The following ABCC1 variants were observed in gnomAD, a reference collection of about 807,000 sequenced individuals.
ABCC1 encodes ATP binding cassette subfamily C member 1 (ABCC1 blood group), also known as multidrug resistance-associated protein 1.
In ABCC1, 83 loss-of-function variants were observed where a neutral mutation model predicts 172.9. The ratio of observed to expected loss-of-function variants is 0.48; its 90% CI spans 0.40 to 0.58. The LOEUF is 0.58. Ranked by LOEUF, ABCC1 falls within the 20% of genes least tolerant of loss-of-function variation. The pLI is 0.00. For synonymous variants in ABCC1, 937 were observed against 825.2 expected (o/e 1.14, Z -2.32); for missense variants, 1,817 against 2,002.7 (o/e 0.91, Z 1.77).
chr16:16,061,748 A>G (rs1020571697), intron 12 of ABCC1, among the ~76,000 whole-genome samples: 4 of 151,876 alleles, frequency 2.6e-5, no homozygotes, highest in African/African-American at 9.7e-5. Context: ...AATACATACA[A>G]AATGGCTTTT....
intron 1 of ABCC1, among the ~76,000 whole-genome samples, chr16:15,971,140 A>T: frequency 6.6e-6 from 1 of 152,214 alleles, no homozygotes; most frequent in Non-Finnish European, 1.5e-5. Flanking sequence ...CACAGATAGC[A>T]GCTAGGTATA....
chr16:16,037,788 A>G (rs1204693358), intron 7 of ABCC1, among the ~76,000 whole-genome samples: 3 of 152,326 alleles, frequency 2.0e-5, no homozygotes, highest in Admixed American at 6.5e-5. Context: ...AGTCAGACCC[A>G]GATGGTGGGT....
chr16:16,073,360 T>G (rs1357398981), intron 14 of ABCC1, among the ~76,000 whole-genome samples: 1 of 152,210 alleles, frequency 6.6e-6, no homozygotes, highest in African/African-American at 2.4e-5. Flanking sequence ...GAGCACCTAC[T>G]ATGTGCCAAG....
chr16:16,071,497 T>C (rs1007520659), intron 13 of ABCC1, 145 bp from the exon 14 acceptor site: 3 of 638,832 alleles, frequency 4.7e-6, no homozygotes, highest in Non-Finnish European at 8.3e-6. Flanking sequence ...AAGTATACAC[T>C]GGTTCTAAGA....
chr16:16,105,847 A>T (rs1404367814), intron 20 of ABCC1, among the ~76,000 whole-genome samples: 2 of 150,212 alleles, frequency 1.3e-5, no homozygotes, highest in African/African-American at 4.9e-5. Context: ...GGGTCTGCAT[A>T]AAGCTCATGA....
Position 16,067,182 on chromosome 16 carries a change from C to T in ABCC1, c.1678-974C>T, listed in dbSNP as rs146309190. On this transcript the variant is annotated intron_variant, in intron 12 of 30. Transcript: ENST00000399410. ...GGAGGAATGCTTGAGCCCGGGAGGT[C>T]GAGGCTGTGGTGAGCCATGATTGCA... Among the ~76,000 whole-genome samples the T allele has an allele frequency of 2.4e-4, 36 of 152,102 alleles. 1 individual carries two copies. Among genetic ancestry groups the T allele is most frequent in the Middle Eastern group, 3.4e-3 (1 of 294 alleles).
rs761809997 is a variant in ABCC1, at chr16:16,102,665, C to G, written c.2683C>G (p.Gln895Glu). The G allele has an allele frequency of 1.1e-5, 18 of 1,592,630 alleles. No individual in the cohort carries two copies. Among genetic ancestry groups the G allele is most frequent in the Admixed American group, 3.5e-5 (2 of 56,698 alleles). Residue 895 changes from glutamine to glutamate, a missense_variant, in exon 20 of 31, where the codon CAA (glutamine) becomes GAA (glutamate). By Grantham distance (29) the Gln-to-Glu change is conservative (BLOSUM62 2). Coordinates refer to ENST00000399410, the MANE Select transcript of ABCC1 (RefSeq NM_004996.4). Reference protein sequence around the residue: ...GVSGPGKEAKQMENGMLVTDS... With the variant: ...GVSGPGKEAKEMENGMLVTDS... ...CAGCGGTCCAGGGAAGGAAGCAAAGCAAATGGAGAATGGCATGCTGGTGAC... is the reference window on the plus strand; with the variant it reads ...CAGCGGTCCAGGGAAGGAAGCAAAGGAAATGGAGAATGGCATGCTGGTGAC...
At chr16:16,046,386 C>G (rs1239457396) in intron 9 of ABCC1, among the ~76,000 whole-genome samples, 1 of 152,026 alleles carries the variant, frequency 6.6e-6, no homozygotes, top group East Asian at 1.9e-4. Context: ...ACTCTCTCCC[C>G]CAGACTGGAG....
intron 24 of ABCC1, among the ~76,000 whole-genome samples, chr16:16,124,335 G>GTGTGTGTGTGTGTGTATGTGTGTGTA (rs766911904): frequency 1.3e-4 from 11 of 87,926 alleles, no homozygotes; most frequent in African/African-American, 4.0e-4. Context: ...GTGTGTGTGT[G>GTGTGTGTGTGTGTGTATGTGTGTGTA]TGTGTGTGTG....
intron 1 of ABCC1, among the ~76,000 whole-genome samples, chr16:15,969,966 T>G (rs1489408922): frequency 6.6e-6 from 1 of 151,978 alleles, no homozygotes. Flanking sequence ...AATGGCCAAA[T>G]AAATGAATAA....
intron 1 of ABCC1, among the ~76,000 whole-genome samples, chr16:15,958,570 G>A (rs2046056648): frequency 2.0e-5 from 3 of 152,206 alleles, no homozygotes; most frequent in Admixed American, 6.5e-5. Context: ...TTTTCATGGC[G>A]AAGTAAGGCC....
rs1356665999 is a variant in ABCC1, at chr16:16,044,671, A to C, written c.1031A>C (p.Gln344Pro). 1 of 1,613,990 alleles carries C rather than the reference A, an allele frequency of 6.2e-7. No individual in the cohort carries two copies. Among genetic ancestry groups the C allele is most frequent in the Non-Finnish European group, 8.5e-7 (1 of 1,179,886 alleles). ...GACCTGATGATGTTTTCCGGGCCGC[A>C]GATCTTAAAGTAAGACCCCTTCCCT... is the stretch of plus-strand genomic sequence containing the variant. ...IHDLMMFSGP[Q>P]ILKLLIKFVN... The change falls in exon 8 of 31, where the codon CAG (glutamine) becomes CCG (proline). Residue 344 changes from glutamine to proline, a missense_variant. Physicochemically the swap from Gln to Pro is moderately conservative, Grantham distance 76 (BLOSUM62 -1). This residue lies in a region of ABCC1 where 1,412 missense variants were observed against 1,600.3 expected (regional missense o/e 0.88). Coordinates refer to ENST00000399410, the MANE Select transcript of ABCC1 (RefSeq NM_004996.4).
In ABCC1 at chr16:16,128,419, G is replaced by C. The variant is rs571200948; in HGVS notation, c.3819+2508G>C. ...CCGCCTCAGCCTCCCAAAGTGCTGG[G>C]ATCACAGGTGTGAGCCACCACACCC... On this transcript the variant is annotated intron_variant, in intron 26 of 30. Transcript: ENST00000399410. 4.6e-5 allele frequency among the ~76,000 whole-genome samples: 7 copies of C among 152,198 alleles called. No homozygotes were observed. In the East Asian group the frequency reaches 1.2e-3, roughly 25 times the overall value.
chr16:16,013,032 A>G (rs923544823), intron 3 of ABCC1, among the ~76,000 whole-genome samples: 4 of 151,962 alleles, frequency 2.6e-5, no homozygotes, highest in South Asian at 4.2e-4. Context: ...CCTGGGGGAA[A>G]CAGGGGTGAT....
intron 26 of ABCC1, among the ~76,000 whole-genome samples, chr16:16,127,769 A>G (rs1320360872): frequency 1.3e-5 from 2 of 152,108 alleles, no homozygotes; most frequent in African/African-American, 4.8e-5. Flanking sequence ...CACTCCTTTA[A>G]CATTCTGACT....
chr16:15,991,769 C>T (rs767397508), intron 1 of ABCC1, among the ~76,000 whole-genome samples: 1 of 152,160 alleles, frequency 6.6e-6, no homozygotes, highest in African/African-American at 2.4e-5. Context: ...AGGCCATACA[C>T]GCCGACTCTG....
Position 16,138,555 on chromosome 16 carries a change from C to A in ABCC1, c.4484C>A (p.Thr1495Lys). 1 of 1,581,610 alleles carries A rather than the reference C, an allele frequency of 6.3e-7. No individual in the cohort carries two copies. Among genetic ancestry groups the A allele is most frequent in the Non-Finnish European group, 8.6e-7 (1 of 1,156,140 alleles). Residue 1495 changes from threonine to lysine, a missense_variant, in exon 30 of 31, where the codon ACA (threonine) becomes AAA (lysine). Coordinates refer to ENST00000399410, the MANE Select transcript of ABCC1 (RefSeq NM_004996.4). ...CGGCTCAACACCATCATGGACTACA[C>A]AAGGTGATGCCACTGGCACAGTGGC... ...AHRLNTIMDY[T>K]RVIVLDKGEI...
At chr16:16,056,388 A>G (rs1212196960) in intron 12 of ABCC1, 93 bp downstream of exon 12, 1 of 1,402,488 alleles carries the variant, frequency 7.1e-7, no homozygotes, top group African/African-American at 1.4e-5. Context: ...TATGTTGCCC[A>G]GGTGCAGTGG....
At chr16:16,088,351 C>T (rs1046858380) in intron 18 of ABCC1, among the ~76,000 whole-genome samples, 6 of 151,994 alleles carry the variant, frequency 3.9e-5, no homozygotes, top group Admixed American at 6.6e-5. Context: ...AAGCTGAGGC[C>T]GGAGAATGTC....
Sources: allele counts gnomAD v4.1 joint callset (sites outside exome capture counted in the v4.1 genomes callset), GRCh38; gene constraint gnomAD v4.1.1; regional missense constraint gnomAD v4.1.1; transcripts MANE v1.5; gene names NCBI Gene and HGNC (gene_info 2026-07-23, HGNC 2026-07-21).